The following NAV1 variants were observed in gnomAD, a reference collection of about 807,000 sequenced individuals.
The protein encoded by NAV1 is neuron navigator 1, also known as pore membrane and/or filament interacting like protein 3.
In NAV1, 18 loss-of-function variants were observed where a neutral mutation model predicts 175.2. The observed-to-expected ratio is 0.10, with a 90% CI of 0.07 to 0.15. The LOEUF (loss-of-function observed/expected upper bound fraction) is 0.15. NAV1 is among the 10% of genes least tolerant of loss of function. The pLI is 1.00. For synonymous variants in NAV1, 897 were observed against 978.7 expected (o/e 0.92, Z 1.56); for missense variants, 1,731 against 2,436.6 (o/e 0.71, Z 6.10).
chr1:201,784,906 C>T (rs1676615251), intron 7 of NAV1, among the ~76,000 whole-genome samples: 3 of 151,844 alleles, frequency 2.0e-5, no homozygotes, highest in African/African-American at 7.3e-5. Flanking sequence ...TAGCTGGGGA[C>T]TACAGGCGCC....
intron 3 of NAV1, among the ~76,000 whole-genome samples, chr1:201,729,780 C>G (rs1227713999): frequency 6.6e-6 from 1 of 152,068 alleles, no homozygotes; most frequent in South Asian, 2.1e-4. Context: ...GTGGCGGGAG[C>G]CTGTAGTCCC....
intron 13 of NAV1, 65 bp downstream of exon 17, chr1:201,790,831 C>A (rs1677067599): frequency 1.3e-6 from 2 of 1,557,002 alleles, no homozygotes; most frequent in South Asian, 1.1e-5. Context: ...CAAGTTCAGC[C>A]AAGGGAGGAA....
At chr1:201,790,657 G>A (rs765343797) in intron 12 of NAV1, 32 bp from the exon 17 acceptor site, 9 of 1,613,922 alleles carry the variant, frequency 5.6e-6, no homozygotes, top group Non-Finnish European at 7.6e-6. Context: ...AGCTTCTGCA[G>A]CCAGTAGTTT....
At chr1:201,649,594 C>G (rs1210369440) in intron 1 of NAV1, among the ~76,000 whole-genome samples, 169 bp downstream of exon 5, 1 of 152,214 alleles carries the variant, frequency 6.6e-6, no homozygotes, top group Admixed American at 6.5e-5. Context: ...GCTGGCCCAC[C>G]TCCAGATGCG....
intron 3 of NAV1, among the ~76,000 whole-genome samples, chr1:201,743,925 C>G (rs1036866307): frequency 6.6e-6 from 1 of 152,108 alleles, no homozygotes; most frequent in African/African-American, 2.4e-5. Context: ...GAGTTTCGAG[C>G]CCAGGCTGGA....
rs140583826 is a variant in NAV1, at chr1:201,785,457, T to C, written c.2846+106T>C. ...GCTCCAGTCATGAATTTAGTCACCC[T>C]TTTAGCTGAATCATTTGTATGTGGT... On this transcript the variant is annotated intron_variant, in intron 8 of 29. Coordinates refer to ENST00000367296, the Ensembl canonical transcript of NAV1. 5.1e-6 allele frequency: 6 copies of C among 1,182,444 alleles called. No individual in the cohort carries two copies. In the African/African-American group the frequency reaches 7.7e-5, roughly 15 times the overall value. 73.2% of individuals were successfully genotyped at this position (1,182,444 alleles called of 1,614,324 possible). A position where few individuals can be genotyped will look rare whatever the true frequency, so the allele number is the denominator to read the frequency against.
intron 1 of NAV1, among the ~76,000 whole-genome samples, chr1:201,680,931 AC>A (rs1187074696): frequency 6.6e-6 from 1 of 151,948 alleles, no homozygotes; most frequent in Non-Finnish European, 1.5e-5. Context: ...TCTGTACCTG[AC>A]CCTCACCCTG....
chr1:201,661,372 G>A (rs760361707), intron 1 of NAV1, among the ~76,000 whole-genome samples: 1 of 152,176 alleles, frequency 6.6e-6, no homozygotes, highest in Non-Finnish European at 1.5e-5. Flanking sequence ...ACAGAGGGGT[G>A]GTTAGGATAC....
At position 201,788,085 on chromosome 1, in the gene NAV1, C is replaced by CA. The variant is rs764868560; in HGVS notation, c.2996-382dup. On this transcript the variant is annotated intron_variant, in intron 9 of 29. Coordinates refer to ENST00000367296, the Ensembl canonical transcript of NAV1. This position sits in a 1 kb window ranked among gnomAD's most constrained non-coding sequence, Gnocchi z 5.7. ...TGAATTTTCAGTCCTCCTGAGCTGGCAGTTGTGTTTTAGAGAACCACAGCA... is the reference window on the plus strand; with the variant it reads ...TGAATTTTCAGTCCTCCTGAGCTGGCAAGTTGTGTTTTAGAGAACCACAGCA... Among the ~76,000 whole-genome samples the CA allele has an allele frequency of 6.6e-6, 1 of 152,164 alleles. No individual in the cohort carries two copies. Among genetic ancestry groups the CA allele is most frequent in the African/African-American group, 2.4e-5 (1 of 41,418 alleles).
chr1:201,570,992 T>A (rs957976198), intron 1 of NAV1, among the ~76,000 whole-genome samples: 14 of 152,386 alleles, frequency 9.2e-5, no homozygotes, highest in Middle Eastern at 3.4e-3. Context: ...TTCCGCTGTG[T>A]CCGCATCCAC....
chr1:201,634,898 C>T (rs1412194890), intron 2 of NAV1, among the ~76,000 whole-genome samples: 1 of 152,150 alleles, frequency 6.6e-6, no homozygotes, highest in Non-Finnish European at 1.5e-5. Context: ...TCTCCAGATC[C>T]TGATTGTGGT....
chr1:201,819,689 T>C (rs1422888079), intron 29 of NAV1, 148 bp from the exon 34 acceptor site: 4 of 656,116 alleles, frequency 6.1e-6, no homozygotes, highest in Non-Finnish European at 1.1e-5. Context: ...CTCTCTTTGT[T>C]TTCAAAGCTG....
upstream of NAV1, among the ~76,000 whole-genome samples, chr1:201,618,297 G>A (rs1668062085): frequency 6.6e-6 from 1 of 152,144 alleles, no homozygotes; most frequent in East Asian, 1.9e-4. Context: ...CATGCATGTT[G>A]CCTACAGTGT....
At chr1:201,819,647 G>GTTTAAT (rs1274024914) in intron 29 of NAV1, among the ~76,000 whole-genome samples, 190 bp from the exon 34 acceptor site, 4 of 151,882 alleles carry the variant, frequency 2.6e-5, no homozygotes, top group Non-Finnish European at 5.9e-5. Flanking sequence ...GTTTTTTATT[G>GTTTAAT]TTTTATTTTT....
At chr1:201,684,973 A>C (rs1018462466) in intron 1 of NAV1, among the ~76,000 whole-genome samples, 20 of 150,938 alleles carry the variant, frequency 1.3e-4, no homozygotes, top group African/African-American at 4.4e-4. Context: ...AAAAAAAAAA[A>C]AAAACCCACA....
chr1:201,547,782 T>C (rs2102448748), intron 1 of NAV1, among the ~76,000 whole-genome samples: 1 of 152,342 alleles, frequency 6.6e-6, no homozygotes, highest in Middle Eastern at 3.4e-3. Context: ...TCCTCTTCAC[T>C]AGGTCTTTTT....
chr1:201,544,024 C>T (rs542004055), intron 1 of NAV1, among the ~76,000 whole-genome samples: 7 of 152,360 alleles, frequency 4.6e-5, no homozygotes, highest in African/African-American at 1.7e-4. Context: ...GAACTGATTG[C>T]TGGTCATCCT....
At chr1:201,688,601 C>G (rs900921758) in intron 1 of NAV1, among the ~76,000 whole-genome samples, 1 of 152,170 alleles carries the variant, frequency 6.6e-6, no homozygotes, top group African/African-American at 2.4e-5. Flanking sequence ...GCTTTTCATT[C>G]AAGGGAAGAG....
chr1:201,783,475 G>A, exon 7 of NAV1: 1 of 1,614,134 alleles, frequency 6.2e-7, no homozygotes, highest in Non-Finnish European at 8.5e-7. Context: ...CCAACAGTCT[G>A]GATCTACCAT....
Sources: allele counts gnomAD v4.1 joint callset (sites outside exome capture counted in the v4.1 genomes callset), GRCh38; gene constraint gnomAD v4.1.1; non-coding constraint Gnocchi (gnomAD v3.1); transcripts MANE v1.5; gene names NCBI Gene and HGNC (gene_info 2026-07-23, HGNC 2026-07-21).